The following SGO2 variants were observed in gnomAD, a reference collection of about 807,000 sequenced individuals.
SGO2 encodes shugoshin-like 2.
A neutral mutation model predicts 99.5 loss-of-function variants in SGO2; 68 were observed. The observed-to-expected ratio is 0.68, with a 90% CI of 0.56 to 0.84. The LOEUF (loss-of-function observed/expected upper bound fraction) is 0.84. Among genes scored for constraint, SGO2 ranks in the 40% least tolerant of loss-of-function variants. SGO2 has a pLI of 0.00. For synonymous variants in SGO2, 457 were observed against 487.1 expected, an observed-to-expected ratio of 0.94 and a Z score of 0.81; for missense variants, 1,350 against 1,436.7, an observed-to-expected ratio of 0.94 and a Z score of 0.97.
chr2:200,573,531 TAAA>T lies in SGO2; in HGVS notation c.3187_3189del (p.Lys1063del). The T allele has an allele frequency of 1.2e-6, 2 of 1,611,406 alleles. No homozygotes were observed. Among genetic ancestry groups the T allele is most frequent in the South Asian group, 1.1e-5 (1 of 90,484 alleles). ...AAAGATCTCCCTTTTGTGGAAGAAA[TAAA>T]AGAAGGAGAGTGTCAGGTTAAAAAG... is the stretch of plus-strand genomic sequence containing the variant. On this transcript the variant is annotated inframe_deletion, in exon 7 of 9. Coordinates refer to ENST00000357799, the MANE Select transcript of SGO2 (RefSeq NM_152524.6).
In SGO2 at chr2:200,533,044, A is replaced by G; in HGVS notation, c.69A>G (p.Lys23=). 1 of 1,606,010 alleles carries G rather than the reference A, an allele frequency of 6.2e-7. No individual in the cohort carries two copies. Among genetic ancestry groups the G allele is most frequent in the Non-Finnish European group, 8.5e-7 (1 of 1,177,756 alleles). The change falls in exon 2 of 9, where the codon AAA becomes AAG. Residue 23 remains lysine (K), a synonymous_variant. Transcript: ENST00000357799. ...TSGIKRHLKD[K]RISKTTKLNV... ...GAATTAAGAGACATTTGAAAGACAA[A>G]AGAATTTCAAAGACTACTAAGTTGA...
intron 5 of SGO2, among the ~76,000 whole-genome samples, chr2:200,554,586 C>A (rs6717942): frequency 6.6e-6 from 1 of 152,120 alleles, no homozygotes; most frequent in East Asian, 1.9e-4. Flanking sequence ...ATTTTGGTTT[C>A]TTCTATGACA....
chr2:200,535,322 C>G, intron 3 of SGO2, 151 bp downstream of exon 3: 1 of 612,410 alleles, frequency 1.6e-6, no homozygotes, highest in Non-Finnish European at 2.6e-6. Context: ...AAAGTACAAA[C>G]TGTTAATGGG....
intron 5 of SGO2, among the ~76,000 whole-genome samples, chr2:200,568,007 C>T (rs767508456): frequency 1.1e-4 from 17 of 152,140 alleles, no homozygotes; most frequent in African/African-American, 3.6e-4. Flanking sequence ...CTGGTAACTC[C>T]GTGTTTAACT....
At chr2:200,550,850 G>A (rs566740766) in intron 5 of SGO2, among the ~76,000 whole-genome samples, 5 of 152,132 alleles carry the variant, frequency 3.3e-5, no homozygotes, top group African/African-American at 1.2e-4. Flanking sequence ...ATTACATCAA[G>A]CTAAAAAGCT....
At position 200,547,427 on chromosome 2, in the gene SGO2, A is replaced by G. The variant is rs377439086; in HGVS notation, c.473+4763A>G. Among the ~76,000 whole-genome samples the G allele has an allele frequency of 1.5e-3, 231 of 152,340 alleles. 1 individual carries two copies. Among genetic ancestry groups the G allele is most frequent in the African/African-American group, 5.2e-3 (217 of 41,570 alleles). On this transcript the variant is annotated intron_variant, in intron 5 of 8. Coordinates refer to ENST00000357799, the MANE Select transcript of SGO2 (RefSeq NM_152524.6). The stretch of plus-strand genomic sequence containing the variant: ...AAAGTAAAAAACACTACCATGCAAA[A>G]GGAAACTTTTTAAGGTATAAAACCC...
chr2:200,528,862 A>G (rs2031230079), intron 1 of SGO2, among the ~76,000 whole-genome samples: 1 of 152,238 alleles, frequency 6.6e-6, no homozygotes, highest in Non-Finnish European at 1.5e-5. Flanking sequence ...ATCCTGCCTC[A>G]GAACAAACAG....
intron 8 of SGO2, among the ~76,000 whole-genome samples, chr2:200,579,919 T>C (rs899446896): frequency 1.3e-5 from 2 of 152,208 alleles, no homozygotes; most frequent in African/African-American, 4.8e-5. Flanking sequence ...TATTTCATTA[T>C]AATTTATAGT....
At chr2:200,566,489 G>A (rs780360156) in intron 5 of SGO2, among the ~76,000 whole-genome samples, 1 of 152,192 alleles carries the variant, frequency 6.6e-6, no homozygotes, top group Non-Finnish European at 1.5e-5. Flanking sequence ...CTACTGGGAG[G>A]TGTCTCCCAG....
chr2:200,557,471 G>A (rs2032766108), intron 5 of SGO2, among the ~76,000 whole-genome samples: 1 of 152,126 alleles, frequency 6.6e-6, no homozygotes, highest in East Asian at 1.9e-4. Flanking sequence ...GGTTTGCCAA[G>A]AAGATGTTAT....
intron 4 of SGO2, among the ~76,000 whole-genome samples, chr2:200,536,989 ACTTTT>A (rs1451569915): frequency 6.6e-6 from 1 of 152,086 alleles, no homozygotes; most frequent in Non-Finnish European, 1.5e-5. Flanking sequence ...ATATTTTCTT[ACTTTT>A]CTTCTTTACA....
chr2:200,531,401 A>T (rs752198495), intron 1 of SGO2, among the ~76,000 whole-genome samples: 2 of 152,128 alleles, frequency 1.3e-5, no homozygotes, highest in Non-Finnish European at 2.9e-5. Context: ...GGGAATTTTT[A>T]GGGAGGAGGG....
At chr2:200,575,726 C>T (rs953799907) in intron 8 of SGO2, among the ~76,000 whole-genome samples, 1 of 152,040 alleles carries the variant, frequency 6.6e-6, no homozygotes, top group African/African-American at 2.4e-5. Flanking sequence ...TAAATTGTAG[C>T]CTGATACTTA....
At chr2:200,575,491 A>G (rs2033625266) in intron 8 of SGO2, 30 bp downstream of exon 8, 1 of 1,500,960 alleles carries the variant, frequency 6.7e-7, no homozygotes, top group Non-Finnish European at 9.0e-7. Flanking sequence ...TTAGTATGCC[A>G]TTATAAAATA....
rs965627204 is a variant in SGO2 at position 200,583,606 on chromosome 2, A to G, written c.*142A>G. ...CCTTTCATGGAGTGTTGATTTGTCC[A>G]TTCTTAATGTTTATTAATAGGTATA... On this transcript the variant is annotated 3_prime_UTR_variant, in exon 9 of 9. Coordinates refer to ENST00000357799, the MANE Select transcript of SGO2 (RefSeq NM_152524.6). 4 of 611,918 alleles carry G rather than the reference A, an allele frequency of 6.5e-6. No homozygotes were observed. Among genetic ancestry groups the G allele is most frequent in the African/African-American group, 3.8e-5 (2 of 52,950 alleles). 37.9% of individuals were successfully genotyped at this position (611,918 alleles called of 1,614,324 possible).
rs1293186586 is a variant in SGO2, at chr2:200,532,971, C to A, written c.-2-3C>A. On this transcript the variant is annotated splice_polypyrimidine_tract_variant and splice_region_variant and intron_variant, in intron 1 of 8. Transcript: ENST00000357799. Reference sequence around the variant, plus strand: ...ACTATGATTTTTTTTTCTTTCACTTCAGTGATGGAGTGCCCAGTGATGGAA... The same window carrying A: ...ACTATGATTTTTTTTTCTTTCACTTAAGTGATGGAGTGCCCAGTGATGGAA... 1 of 1,599,036 alleles carries A rather than the reference C, an allele frequency of 6.3e-7. No individual in the cohort carries two copies. The highest frequency in any genetic ancestry group is 1.4e-5 in the African/African-American group (1 of 73,628).
At chr2:200,547,937 AC>A (rs2032301962) in intron 5 of SGO2, among the ~76,000 whole-genome samples, 1 of 151,788 alleles carries the variant, frequency 6.6e-6, no homozygotes, top group Admixed American at 6.6e-5. Flanking sequence ...GGTCAATTCA[AC>A]CAGAGGATAT....
chr2:200,573,213 A>G lies in SGO2; in HGVS notation c.2867A>G (p.Asp956Gly). Residue 956 changes from aspartate to glycine, a missense_variant, in exon 7 of 9, where the codon GAC becomes GGC. Asp to Gly is a moderately conservative substitution (Grantham distance 94). Coordinates refer to ENST00000357799, the MANE Select transcript of SGO2 (RefSeq NM_152524.6). ...TCTAAACAAAAACTTGAATGCCAAG[A>G]CATTATCAATAAACACTATATGGAA... ...NKSKQKLECQ[D>G]IINKHYMEVN... The G allele has an allele frequency of 2.5e-6, 4 of 1,578,156 alleles. No individual in the cohort carries two copies. The highest frequency in any genetic ancestry group is 3.4e-6 in the Non-Finnish European group (4 of 1,170,272).
intron 1 of SGO2, among the ~76,000 whole-genome samples, chr2:200,529,179 A>T (rs2031245001): frequency 6.6e-6 from 1 of 152,226 alleles, no homozygotes; most frequent in African/African-American, 2.4e-5. Flanking sequence ...GCATTCCAGC[A>T]TCAAGGGACC....
Sources: allele counts gnomAD v4.1 joint callset (sites outside exome capture counted in the v4.1 genomes callset), GRCh38; gene constraint gnomAD v4.1.1; transcripts MANE v1.5; gene names NCBI Gene and HGNC (gene_info 2026-07-23, HGNC 2026-07-21).